MCTP1: variants seen among roughly 807,000 people sequenced by gnomAD.
MCTP1 encodes the protein multiple C2 and transmembrane domain-containing protein 1.
MCTP1 carries 69 observed loss-of-function variants against 120.6 expected under a neutral mutation model. The ratio of observed to expected loss-of-function variants is 0.57; its 90% CI spans 0.47 to 0.70. MCTP1 has a LOEUF of 0.70. MCTP1 is among the 30% of genes least tolerant of loss of function. The pLI is 0.00. For missense variants in MCTP1, 1,203 were observed against 1,248.8 expected (o/e 0.96, Z 0.55); for synonymous variants, 529 against 493.1 (o/e 1.07, Z -0.96).
At chr5:94,875,720 A>T (rs563301457) in intron 12 of MCTP1, among the ~76,000 whole-genome samples, 1 of 152,014 alleles carries the variant, frequency 6.6e-6, no homozygotes, top group South Asian at 2.1e-4. Context: ...ACGCTGAAAA[A>T]CAATTCACTG....
At chr5:94,872,317 A>G (rs1411477672) in intron 13 of MCTP1, among the ~76,000 whole-genome samples, 2 of 152,060 alleles carry the variant, frequency 1.3e-5, no homozygotes, top group Non-Finnish European at 2.9e-5. Flanking sequence ...TCTTCTTAGG[A>G]GTACAAGTCT....
intron 17 of MCTP1, among the ~76,000 whole-genome samples, chr5:94,821,460 C>T (rs1052294529): frequency 3.3e-5 from 5 of 152,190 alleles, no homozygotes; most frequent in Non-Finnish European, 5.9e-5. Context: ...TATGTGCCAC[C>T]TTCAGCACTA....
At chr5:94,803,268 AC>A (rs963231919) in intron 17 of MCTP1, among the ~76,000 whole-genome samples, 1 of 152,168 alleles carries the variant, frequency 6.6e-6, no homozygotes, top group Non-Finnish European at 1.5e-5. Flanking sequence ...AGTACACACA[AC>A]CCCTTTCATT....
At position 94,940,112 on chromosome 5, in the gene MCTP1, G is replaced by A; in HGVS notation, c.1145C>T (p.Thr382Ile). ...ATCCCTGGACTCTCCTTCTTTAGGG[G>A]TAAGGATGACTGAGAGCAAAATGAT... ...LGIILLSVIL[T>I]PKEGESRDVT... The change falls in exon 5 of 23, where the codon ACC becomes ATC. Residue 382 changes from threonine (T) to isoleucine (I), a missense_variant. Around this residue, in one of 2 missense-constraint regions of MCTP1, gnomAD observed 740 missense variants for 871.1 expected, o/e 0.85. Transcript: ENST00000515393. The A allele has an allele frequency of 6.2e-7, 1 of 1,607,640 alleles. No individual in the cohort carries two copies. The highest frequency in any genetic ancestry group is 8.5e-7 in the Non-Finnish European group (1 of 1,175,332).
chr5:95,230,184 A>ATG (rs916006539), intron 1 of MCTP1, among the ~76,000 whole-genome samples: 1 of 112,456 alleles, frequency 8.9e-6, no homozygotes, highest in Non-Finnish European at 2.1e-5. Context: ...ACATACATAT[A>ATG]TGTGTGTGTG....
intron 6 of MCTP1, among the ~76,000 whole-genome samples, chr5:94,928,795 T>C (rs1456069197): frequency 1.3e-5 from 2 of 152,122 alleles, no homozygotes; most frequent in Admixed American, 6.5e-5. Flanking sequence ...TGCATTTTTT[T>C]CCTATGTATT....
At chr5:94,813,351 C>T (rs561537161) in intron 17 of MCTP1, among the ~76,000 whole-genome samples, 15 of 152,230 alleles carry the variant, frequency 9.9e-5, no homozygotes, top group South Asian at 6.2e-4. Context: ...CCAGAACCCT[C>T]GTATGTCATT....
chr5:95,024,067 T>C (rs763350152), intron 1 of MCTP1: 2 of 449,970 alleles, frequency 4.4e-6, no homozygotes, highest in South Asian at 3.2e-5. Flanking sequence ...TCCCTGTTAA[T>C]TGTTTTCTTT....
At chr5:95,014,943 T>C (rs1329493273) in intron 2 of MCTP1, among the ~76,000 whole-genome samples, 1 of 152,100 alleles carries the variant, frequency 6.6e-6, no homozygotes, top group Non-Finnish European at 1.5e-5. Context: ...CCCTAATCAG[T>C]CAGCAGCCAT....
chr5:95,082,200 C>A (rs73140041), intron 1 of MCTP1, among the ~76,000 whole-genome samples: 12,187 of 152,152 alleles, frequency 0.08, 1,658 homozygotes, highest in African/African-American at 0.28. Flanking sequence ...CTGTCATTAC[C>A]TTGTGCTTCT....
chr5:95,212,337 C>T (rs1582548231), intron 1 of MCTP1, among the ~76,000 whole-genome samples: 1 of 152,112 alleles, frequency 6.6e-6, no homozygotes, highest in Non-Finnish European at 1.5e-5. Flanking sequence ...TCTGAATAGA[C>T]CAATAACAGG....
intron 1 of MCTP1, among the ~76,000 whole-genome samples, chr5:95,257,423 AGAC>A (rs1274853997): frequency 6.6e-6 from 1 of 152,224 alleles, no homozygotes; most frequent in East Asian, 1.9e-4. Context: ...TAGAATTTGA[AGAC>A]AACAGAAAAC....
intron 11 of MCTP1, among the ~76,000 whole-genome samples, chr5:94,889,751 C>CACACACACACAT (rs1802145864): frequency 4.5e-5 from 1 of 22,056 alleles, no homozygotes; most frequent in Non-Finnish European, 1.2e-4. Context: ...GAATGTACAC[C>CACACACACACAT]ACACACACAC....
At position 95,083,186 on chromosome 5, in the gene MCTP1, A is replaced by G. The variant is rs144693378; in HGVS notation, c.721-65702T>C. On this transcript the variant is annotated intron_variant, in intron 1 of 22. Transcript: ENST00000515393. ...ATTTTTTTGTTATGGTTTGGCAAAT[A>G]ATATAAAATTAAGAAATGTGTTTCT... Among the ~76,000 whole-genome samples the G allele has an allele frequency of 1.4e-4, 22 of 152,292 alleles. No individual in the cohort carries two copies. The East Asian group carries it at 3.5e-3, about 24-fold the overall frequency.
intron 1 of MCTP1, among the ~76,000 whole-genome samples, chr5:95,165,571 G>A (rs1746230519): frequency 6.6e-6 from 1 of 152,110 alleles, no homozygotes; most frequent in African/African-American, 2.4e-5. Flanking sequence ...CAAAACACGT[G>A]TTACAACTGA....
chr5:94,863,466 T>C (rs558153912), intron 17 of MCTP1, among the ~76,000 whole-genome samples: 1 of 152,006 alleles, frequency 6.6e-6, no homozygotes, highest in South Asian at 2.1e-4. Context: ...ATATTTCTGT[T>C]ATAAACTTAA....
intron 1 of MCTP1, among the ~76,000 whole-genome samples, chr5:95,218,936 A>G (rs999316466): frequency 4.6e-5 from 7 of 152,226 alleles, no homozygotes; most frequent in African/African-American, 1.7e-4. Context: ...ATCTTCTGGA[A>G]CCACTATTGT....
At chr5:95,145,449 A>G (rs115962139) in intron 1 of MCTP1, among the ~76,000 whole-genome samples, 5,050 of 152,242 alleles carry the variant, frequency 0.033, 118 homozygotes, top group Middle Eastern at 0.061. Flanking sequence ...GAGTGGTGAA[A>G]GTGGGCATCC....
chr5:94,915,436 T>G (rs1809793935), intron 8 of MCTP1, among the ~76,000 whole-genome samples: 2 of 152,202 alleles, frequency 1.3e-5, no homozygotes, highest in South Asian at 4.1e-4. Context: ...CATGAAATTG[T>G]CTTTTACTTT....
Sources: allele counts gnomAD v4.1 joint callset (sites outside exome capture counted in the v4.1 genomes callset), GRCh38; gene constraint gnomAD v4.1.1; regional missense constraint gnomAD v4.1.1; transcripts MANE v1.5; gene names NCBI Gene and HGNC (gene_info 2026-07-23, HGNC 2026-07-21).